The following CSTPP1 variants were observed in gnomAD, a reference collection of about 807,000 sequenced individuals.
CSTPP1 encodes UPF0705 protein C11orf49.
chr11:47,010,142 T>A, the CSTPP1 span, among the ~76,000 whole-genome samples: 1 of 152,172 alleles, frequency 6.6e-6, no homozygotes, highest in Non-Finnish European at 1.5e-5. Context: ...AATGTGTAGA[T>A]AATTATCAGA....
the CSTPP1 span, among the ~76,000 whole-genome samples, chr11:47,002,254 T>G: frequency 2.6e-4 from 40 of 152,330 alleles, 2 homozygotes; most frequent in East Asian, 5.6e-3. Context: ...GCCAGGCACC[T>G]CTGTTAGACC....
chr11:46,976,962 C>T, the CSTPP1 span, among the ~76,000 whole-genome samples: 3 of 152,120 alleles, frequency 2.0e-5, no homozygotes, highest in Admixed American at 6.5e-5. Context: ...AAGGGTCAAT[C>T]GTATTTCACT....
At chr11:47,142,191 C>T in the CSTPP1 span, among the ~76,000 whole-genome samples, 562 of 150,766 alleles carry the variant, frequency 3.7e-3, 2 homozygotes, top group African/African-American at 0.013. Context: ...TGCAGTGAGC[C>T]GAGATCGCGC....
At chr11:47,143,716 G>A in the CSTPP1 span, among the ~76,000 whole-genome samples, 1 of 152,178 alleles carries the variant, frequency 6.6e-6, no homozygotes, top group South Asian at 2.1e-4. Context: ...TCCATGGACT[G>A]GAAGCTTTCT....
the CSTPP1 span, among the ~76,000 whole-genome samples, chr11:46,951,331 C>G: frequency 7.1e-6 from 1 of 141,556 alleles, no homozygotes; most frequent in Admixed American, 7.1e-5. Flanking sequence ...AGGTCTCACT[C>G]TGTCATCCAG....
the CSTPP1 span, among the ~76,000 whole-genome samples, chr11:47,064,396 C>G: frequency 1.3e-5 from 2 of 152,062 alleles, no homozygotes; most frequent in African/African-American, 4.8e-5. Flanking sequence ...ATTTACAAAT[C>G]CAGTGTCATG....
the CSTPP1 span, among the ~76,000 whole-genome samples, chr11:46,981,395 A>G: frequency 6.6e-6 from 1 of 152,126 alleles, no homozygotes; most frequent in Admixed American, 6.6e-5. Flanking sequence ...GTTGTTATCT[A>G]TGGGAACTGG....
chr11:47,149,677 C>T, the CSTPP1 span, among the ~76,000 whole-genome samples: 1 of 152,172 alleles, frequency 6.6e-6, no homozygotes, highest in Non-Finnish European at 1.5e-5. Flanking sequence ...ATGGTCTCAG[C>T]ATTCATTTGG....
At chr11:47,109,227 G>A in the CSTPP1 span, 36,613 of 152,028 alleles carry the variant, frequency 0.24, 5,161 homozygotes, top group East Asian at 0.65. Flanking sequence ...CTCGTCCACT[G>A]TAGCCATGAT....
the CSTPP1 span, among the ~76,000 whole-genome samples, chr11:47,140,981 G>T: frequency 6.6e-6 from 1 of 151,944 alleles, no homozygotes; most frequent in Non-Finnish European, 1.5e-5. Context: ...GGTGCCTGTA[G>T]TACCAGCTAC....
chr11:47,064,656 A>T, the CSTPP1 span, among the ~76,000 whole-genome samples: 1 of 151,898 alleles, frequency 6.6e-6, no homozygotes, highest in African/African-American at 2.4e-5. Context: ...TGTTTCTGGG[A>T]TTTACATTCT....
the CSTPP1 span, among the ~76,000 whole-genome samples, chr11:47,056,424 G>A: frequency 2.0e-5 from 3 of 152,154 alleles, no homozygotes; most frequent in Non-Finnish European, 4.4e-5. Flanking sequence ...ACTATCACGA[G>A]GGATTCATAT....
At chr11:47,162,337 C>T in the CSTPP1 span, 7 of 812,060 alleles carry the variant, frequency 8.6e-6, no homozygotes, top group African/African-American at 1.3e-4. Context: ...AGGAGGTAGG[C>T]CAGTGGCCCA....
chr11:47,090,563 G>A, the CSTPP1 span, among the ~76,000 whole-genome samples: 7 of 152,134 alleles, frequency 4.6e-5, no homozygotes, highest in Non-Finnish European at 1.0e-4. Context: ...TGGAAATGCC[G>A]TGTACTGATT....
the CSTPP1 span, among the ~76,000 whole-genome samples, chr11:47,127,312 G>C: frequency 2.9e-3 from 439 of 152,304 alleles, 2 homozygotes; most frequent in African/African-American, 0.01. Flanking sequence ...TATGAAAATG[G>C]TTTGCATAAT....
At chr11:46,966,335 C>G in the CSTPP1 span, among the ~76,000 whole-genome samples, 1 of 152,212 alleles carries the variant, frequency 6.6e-6, no homozygotes, top group East Asian at 1.9e-4. Context: ...GCCACCGCGC[C>G]TGGCCCAGAA....
chr11:47,152,922 G>A, the CSTPP1 span, among the ~76,000 whole-genome samples: 1 of 152,106 alleles, frequency 6.6e-6, no homozygotes, highest in Non-Finnish European at 1.5e-5. Context: ...CCTGAGAACA[G>A]GGCAGTAAAG....
the CSTPP1 span, among the ~76,000 whole-genome samples, chr11:47,051,742 A>C: frequency 7.3e-6 from 1 of 137,908 alleles, no homozygotes; most frequent in Non-Finnish European, 1.5e-5. Context: ...ATCAGGCTGG[A>C]GTGCAGTGGC....
the CSTPP1 span, among the ~76,000 whole-genome samples, chr11:47,099,953 C>T: frequency 1.0e-3 from 156 of 152,318 alleles, no homozygotes; most frequent in African/African-American, 3.7e-3. Flanking sequence ...CTCTCTTTCT[C>T]TCCTTACCTA....
Sources: allele counts gnomAD v4.1 joint callset (sites outside exome capture counted in the v4.1 genomes callset), GRCh38; gene constraint gnomAD v4.1.1; transcripts MANE v1.5; gene names NCBI Gene and HGNC (gene_info 2026-07-23, HGNC 2026-07-21).